LIMCH1: variants seen among roughly 807,000 people sequenced by gnomAD.
The protein encoded by LIMCH1 is LIM and calponin homology domains 1, also known as LIM and calponin homology domains-containing protein 1.
A neutral mutation model predicts 176.5 loss-of-function variants in LIMCH1; 113 were observed. That is an observed-to-expected ratio of 0.64 (90% confidence interval 0.55 to 0.75). LIMCH1 has a LOEUF of 0.75. LIMCH1 is among the 30% of genes least tolerant of loss of function. The pLI, the probability that LIMCH1 is intolerant of heterozygous loss-of-function variation, is 0.00. For synonymous variants in LIMCH1, 619 were observed against 645.9 expected (o/e 0.96, Z 0.63); for missense variants, 1,674 against 1,814.9 (o/e 0.92, Z 1.41).
intron 1 of LIMCH1, among the ~76,000 whole-genome samples, chr4:41,407,577 C>T (rs1173834057): frequency 5.3e-5 from 8 of 152,204 alleles, no homozygotes; most frequent in East Asian, 1.9e-4. Context: ...GGGACTGGTC[C>T]GTGTCCATAG....
In LIMCH1 at chr4:41,488,333, A is replaced by T. The variant is rs574844603; in HGVS notation, c.97-6203A>T. ...ATGACACATCAGTGGCAGAAAAATC[A>T]TGGACAGATTCTGGGAAAAAAATGC... On this transcript the variant is annotated intron_variant, in intron 1 of 26. Transcript: ENST00000313860. Among the ~76,000 whole-genome samples the T allele has an allele frequency of 5.3e-5, 8 of 152,352 alleles. No individual in the cohort carries two copies. In the South Asian group the frequency reaches 6.2e-4, roughly 12 times the overall value.
rs766274968 is a variant in LIMCH1, at chr4:41,650,584, A to G, written c.3012A>G (p.Pro1004=). The G allele has an allele frequency of 2.5e-6, 4 of 1,613,900 alleles. No homozygotes were observed. Among genetic ancestry groups the G allele is most frequent in the Non-Finnish European group, 3.4e-6 (4 of 1,179,946 alleles). Residue 1004 remains proline (P), a synonymous_variant, in exon 18 of 32, where the codon CCA becomes CCG. Coordinates refer to ENST00000503057, the MANE Select transcript of LIMCH1 (RefSeq NM_001330672.2). ...GCATCGAGATCAACATAAAGAAGCC[A>G]AACTCTGTTCCCCAAGAGCTCGCAG... ...NGSIEINIKK[P]NSVPQELAAT... is the part of the protein sequence containing the mutation.
At chr4:41,612,963 G>C in intron 4 of LIMCH1, 2 of 1,540,112 alleles carry the variant, frequency 1.3e-6, no homozygotes, top group Admixed American at 4.0e-5. Flanking sequence ...GGATTTTACA[G>C]AACTGATTCT....
At chr4:41,620,040 A>T (rs2092444329) in intron 6 of LIMCH1, 1 of 206,706 alleles carries the variant, frequency 4.8e-6, no homozygotes, top group Non-Finnish European at 9.8e-6. Flanking sequence ...ACCCAATAAC[A>T]AATAAGGCAG....
chr4:41,512,101 A>G (rs1338377941), intron 2 of LIMCH1, among the ~76,000 whole-genome samples: 1 of 152,218 alleles, frequency 6.6e-6, no homozygotes, highest in Admixed American at 6.5e-5. Flanking sequence ...ATATCGGAAT[A>G]GACACTTCTC....
chr4:41,384,159 G>A (rs1364069735), intron 1 of LIMCH1, among the ~76,000 whole-genome samples: 1 of 152,082 alleles, frequency 6.6e-6, no homozygotes, highest in African/African-American at 2.4e-5. Context: ...CAGTGAGTGG[G>A]AGGTGAGAGG....
At chr4:41,476,618 A>G (rs1197302079) in intron 1 of LIMCH1, among the ~76,000 whole-genome samples, 1 of 152,252 alleles carries the variant, frequency 6.6e-6, no homozygotes, top group Non-Finnish European at 1.5e-5. Flanking sequence ...TACATTATTT[A>G]TAAGTCTAAG....
chr4:41,575,648 T>G (rs1488626339), intron 1 of LIMCH1, among the ~76,000 whole-genome samples: 1 of 152,208 alleles, frequency 6.6e-6, no homozygotes, highest in Non-Finnish European at 1.5e-5. Context: ...TATATGAGAT[T>G]TTTAAAACAC....
chr4:41,431,944 T>C (rs940840802), intron 1 of LIMCH1, among the ~76,000 whole-genome samples: 1 of 152,232 alleles, frequency 6.6e-6, no homozygotes, highest in African/African-American at 2.4e-5. Context: ...TAGTTCCTAA[T>C]TGAAGTTTTC....
At chr4:41,535,604 A>C (rs889722370), upstream of LIMCH1, among the ~76,000 whole-genome samples, 1 of 152,230 alleles carries the variant, frequency 6.6e-6, no homozygotes, top group African/African-American at 2.4e-5. Context: ...CAGTCACTAC[A>C]GTCACATTCT....
chr4:41,506,917 G>C (rs1450456699), intron 2 of LIMCH1, among the ~76,000 whole-genome samples: 1 of 152,142 alleles, frequency 6.6e-6, no homozygotes, highest in Non-Finnish European at 1.5e-5. Context: ...AGTCCCACAA[G>C]ACTGCCCCCA....
At chr4:41,476,409 G>A (rs146449580) in intron 1 of LIMCH1, among the ~76,000 whole-genome samples, 3 of 152,348 alleles carry the variant, frequency 2.0e-5, no homozygotes, top group Non-Finnish European at 4.4e-5. Flanking sequence ...GTTCGTGGAG[G>A]TGGAGGTAAG....
intron 2 of LIMCH1, among the ~76,000 whole-genome samples, chr4:41,506,680 A>G (rs1477249349): frequency 4.6e-5 from 7 of 152,194 alleles, no homozygotes; most frequent in Non-Finnish European, 7.4e-5. Flanking sequence ...GGGAGATATA[A>G]TATTAATTGA....
At chr4:41,407,686 T>C (rs987138699) in intron 1 of LIMCH1, among the ~76,000 whole-genome samples, 6 of 152,114 alleles carry the variant, frequency 3.9e-5, no homozygotes, top group African/African-American at 1.2e-4. Context: ...CCAAACCAAA[T>C]AGCCACAAAC....
chr4:41,547,563 A>G (rs2079646286), intron 1 of LIMCH1, among the ~76,000 whole-genome samples: 1 of 149,974 alleles, frequency 6.7e-6, no homozygotes, highest in African/African-American at 2.4e-5. Context: ...TAACTATAGT[A>G]TTGACCTTAT....
intron 1 of LIMCH1, among the ~76,000 whole-genome samples, chr4:41,463,011 C>T (rs1307100384): frequency 1.3e-5 from 2 of 152,054 alleles, no homozygotes; most frequent in African/African-American, 4.8e-5. Context: ...TGATCACCAG[C>T]ATGGCACAGC....
intron 1 of LIMCH1, among the ~76,000 whole-genome samples, chr4:41,480,563 C>T (rs1479730849): frequency 6.6e-6 from 1 of 152,218 alleles, no homozygotes; most frequent in African/African-American, 2.4e-5. Context: ...GCTGAGATTG[C>T]GCCTCTGCAC....
intron 1 of LIMCH1, among the ~76,000 whole-genome samples, chr4:41,362,030 C>A (rs930422330): frequency 1.1e-4 from 17 of 152,120 alleles, no homozygotes; most frequent in African/African-American, 2.9e-4. Flanking sequence ...AGTGACTCCC[C>A]ACTCCGTTCA....
intron 1 of LIMCH1, among the ~76,000 whole-genome samples, chr4:41,444,307 TATATATACACACACAC>T (rs1172170504): frequency 1.2e-4 from 9 of 72,484 alleles, no homozygotes; most frequent in South Asian, 1.3e-3. Context: ...TGTGTGTGTA[TATATATACACACACAC>T]ACACACACAC....
Sources: allele counts gnomAD v4.1 joint callset (sites outside exome capture counted in the v4.1 genomes callset), GRCh38; gene constraint gnomAD v4.1.1; transcripts MANE v1.5; gene names NCBI Gene and HGNC (gene_info 2026-07-23, HGNC 2026-07-21).